The following SIRPG variants were observed in gnomAD, a reference collection of about 807,000 sequenced individuals.
The protein encoded by SIRPG is signal regulatory protein gamma.
In SIRPG, 38 loss-of-function variants were observed where a neutral mutation model predicts 35.7. The observed-to-expected ratio is 1.06, with a 90% CI of 0.82 to 1.40. The LOEUF (loss-of-function observed/expected upper bound fraction) is 1.40, where lower values mean the gene tolerates loss of function less well. SIRPG is among the 40% of genes most tolerant of loss of function. SIRPG has a pLI of 0.00. For missense variants in SIRPG, 519 were observed against 483.0 expected, an observed-to-expected ratio of 1.07 and a Z score of -0.70; for synonymous variants, 215 against 190.4, an observed-to-expected ratio of 1.13 and a Z score of -1.06.
chr20:1,644,006 AG>A (rs1214101341), intron 2 of SIRPG, among the ~76,000 whole-genome samples: 2 of 152,156 alleles, frequency 1.3e-5, no homozygotes, highest in Non-Finnish European at 2.9e-5. Context: ...ACTCCTGTGT[AG>A]GGTGTCCGAC....
intron 2 of SIRPG, among the ~76,000 whole-genome samples, chr20:1,641,313 C>T (rs1162437773): frequency 6.6e-6 from 1 of 151,896 alleles, no homozygotes; most frequent in Non-Finnish European, 1.5e-5. Context: ...TTCAGGGGCT[C>T]GATTTCTTTT....
chr20:1,640,640 A>T (rs1415023384), intron 2 of SIRPG, among the ~76,000 whole-genome samples: 1 of 152,182 alleles, frequency 6.6e-6, no homozygotes, highest in Non-Finnish European at 1.5e-5. Context: ...AACTTCTAAT[A>T]CTATGTTGAA....
intron 1 of SIRPG, among the ~76,000 whole-genome samples, chr20:1,654,575 T>A (rs1297556117): frequency 6.6e-6 from 1 of 152,248 alleles, no homozygotes; most frequent in Non-Finnish European, 1.5e-5. Flanking sequence ...ATGTAAGATC[T>A]GAAACTGTAC....
intron 2 of SIRPG, among the ~76,000 whole-genome samples, chr20:1,640,003 A>G (rs2091839449): frequency 6.6e-6 from 1 of 152,196 alleles, no homozygotes; most frequent in Non-Finnish European, 1.5e-5. Context: ...TACAAGTACC[A>G]TGCTGTTTTG....
Position 1,635,939 on chromosome 20 carries a change from C to T in SIRPG, c.748+249G>A, listed in dbSNP as rs181274371. Among the ~76,000 whole-genome samples, 392 of 152,288 alleles carry T rather than the reference C, an allele frequency of 2.6e-3. 1 individual carries two copies. The highest frequency in any genetic ancestry group is 8.1e-3 in the African/African-American group (338 of 41,538). On this transcript the variant is annotated intron_variant, in intron 3 of 5. Coordinates refer to ENST00000303415, the MANE Select transcript of SIRPG (RefSeq NM_018556.4). ...GGACTTGGCTCATAGTAGGTACTCA[C>T]TAATAGTAGTTGTTCTTGGTGAGAT...
chr20:1,651,893 A>C (rs1435173110), intron 1 of SIRPG, among the ~76,000 whole-genome samples: 2 of 152,198 alleles, frequency 1.3e-5, no homozygotes, highest in East Asian at 3.8e-4. Context: ...CTCTTCAAAG[A>C]AGACTCATGT....
chr20:1,641,725 A>G (rs1197977386), intron 2 of SIRPG, among the ~76,000 whole-genome samples: 1 of 152,098 alleles, frequency 6.6e-6, no homozygotes, highest in Non-Finnish European at 1.5e-5. Flanking sequence ...TGATGTGGGC[A>G]TTTCGTGCTA....
At chr20:1,668,455 T>C in the SIRPG span, among the ~76,000 whole-genome samples, 1 of 152,022 alleles carries the variant, frequency 6.6e-6, no homozygotes, top group African/African-American at 2.4e-5. Flanking sequence ...AGCTAATTTT[T>C]GTATTTTTAG....
the SIRPG span, chr20:1,665,446 G>C: frequency 6.5e-6 from 1 of 152,810 alleles, no homozygotes; most frequent in South Asian, 2.0e-4. Context: ...ACCTGGGATG[G>C]GCCTCCGCTT....
Position 1,636,277 on chromosome 20 carries a change from A to G in SIRPG, c.659T>C (p.Val220Ala), listed in dbSNP as rs746459913. 2 of 1,614,240 alleles carry G rather than the reference A, an allele frequency of 1.2e-6. No individual in the cohort carries two copies. The highest frequency in any genetic ancestry group is 1.7e-6 in the Non-Finnish European group (2 of 1,180,034). Reference sequence around the variant, plus strand: ...CACCTCGCAGATGACCTGAGAGCGAACGTCCCAGGGGTCCAGTACCACCCT... The same window carrying G: ...CACCTCGCAGATGACCTGAGAGCGAGCGTCCCAGGGGTCCAGTACCACCCT... ...TARVVLDPWD[V>A]RSQVICEVAH... The change falls in exon 3 of 6, where the codon GTT (valine) becomes GCT (alanine). Residue 220 changes from valine (V) to alanine (A), a missense_variant. By Grantham distance (64) the Val-to-Ala change is moderately conservative. Transcript: ENST00000303415.
the SIRPG span, chr20:1,671,084 A>T: frequency 2.3e-6 from 1 of 427,548 alleles, no homozygotes; most frequent in Non-Finnish European, 4.7e-6. Flanking sequence ...TTTTTGGACC[A>T]TTTCAGGGTG....
At chr20:1,675,858 G>A in the SIRPG span, among the ~76,000 whole-genome samples, 7 of 149,458 alleles carry the variant, frequency 4.7e-5, no homozygotes, top group African/African-American at 1.2e-4. Flanking sequence ...ATGAGCTCTG[G>A]CAGTGAGCTG....
At chr20:1,663,141 G>A in the SIRPG span, among the ~76,000 whole-genome samples, 1 of 152,004 alleles carries the variant, frequency 6.6e-6, no homozygotes, top group Non-Finnish European at 1.5e-5. Context: ...GTGAAACCCC[G>A]TCTCTACTAA....
At chr20:1,632,916 T>C (rs1274150655) in intron 4 of SIRPG, among the ~76,000 whole-genome samples, 3 of 151,548 alleles carry the variant, frequency 2.0e-5, no homozygotes, top group Non-Finnish European at 4.4e-5. Flanking sequence ...AAAAAATGAA[T>C]AAACTGGAAA....
At chr20:1,657,166 G>A (rs2091980721) in intron 1 of SIRPG, among the ~76,000 whole-genome samples, 2 of 152,148 alleles carry the variant, frequency 1.3e-5, no homozygotes, top group African/African-American at 2.4e-5. Context: ...TAACCCTGCT[G>A]GCATCTTGAT....
intron 4 of SIRPG, chr20:1,633,794 A>G (rs1433176755): frequency 6.6e-6 from 1 of 152,230 alleles, no homozygotes; most frequent in African/African-American, 2.4e-5. Flanking sequence ...ACAAGAGGGA[A>G]GTAAGACATA....
chr20:1,681,398 G>C, the SIRPG span, among the ~76,000 whole-genome samples: 1 of 152,284 alleles, frequency 6.6e-6, no homozygotes, highest in East Asian at 1.9e-4. Context: ...GGAATGCTTT[G>C]TGCTTCTGTT....
intron 1 of SIRPG, among the ~76,000 whole-genome samples, chr20:1,652,552 A>G (rs933783178): frequency 6.6e-6 from 1 of 152,240 alleles, no homozygotes; most frequent in Admixed American, 6.5e-5. Flanking sequence ...TATACAAATG[A>G]CAGACAAACA....
chr20:1,641,868 G>T lies in SIRPG; in HGVS notation c.431-5363C>A, dbSNP rs6043463. The stretch of plus-strand genomic sequence containing the variant: ...TTATTTACCCAGGAGTCATTCAGGA[G>T]CAGGCTGTTCAATTTCCATGTAGTT... On this transcript the variant is annotated intron_variant, in intron 2 of 5. Coordinates refer to ENST00000303415, the MANE Select transcript of SIRPG (RefSeq NM_018556.4). Among the ~76,000 whole-genome samples the T allele has an allele frequency of 7.2e-3, 1,099 of 152,318 alleles. 13 individuals carry two copies. Among genetic ancestry groups the T allele is most frequent in the African/African-American group, 0.025 (1,044 of 41,566 alleles).
Sources: gnomAD v4.1 joint callset for allele counts (sites outside exome capture counted in the v4.1 genomes callset) on GRCh38, gnomAD v4.1.1 for gene constraint, MANE v1.5 for transcripts, NCBI Gene and HGNC (gene_info 2026-07-23, HGNC 2026-07-21) for gene names.